FMN1: variants seen among roughly 807,000 people sequenced by gnomAD.
FMN1 encodes formin-1.
FMN1 carries 110 observed loss-of-function variants against 132.4 expected under a neutral mutation model. The ratio of observed to expected loss-of-function variants is 0.83; its 90% CI spans 0.71 to 0.97. The LOEUF is 0.97. FMN1 is among the 50% of genes least tolerant of loss of function. The probability of loss-of-function intolerance (pLI) is 0.00; values close to 1 mark genes in which losing one functional copy is unlikely to be tolerated. For synonymous variants in FMN1, 722 were observed against 651.7 expected, an observed-to-expected ratio of 1.11 and a Z score of -1.64; for missense variants, 1,792 against 1,705.3, an observed-to-expected ratio of 1.05 and a Z score of -0.90.
intron 7 of FMN1, among the ~76,000 whole-genome samples, chr15:32,997,187 A>G (rs1285514561): frequency 6.6e-6 from 1 of 152,200 alleles, no homozygotes; most frequent in Non-Finnish European, 1.5e-5. Flanking sequence ...ATAAAGCTGG[A>G]AAGAGAAATT....
At chr15:33,094,719 T>A (rs1452632359) in intron 4 of FMN1, among the ~76,000 whole-genome samples, 1 of 152,216 alleles carries the variant, frequency 6.6e-6, no homozygotes, top group South Asian at 2.1e-4. Context: ...TAAATATCTC[T>A]TTGATTATTT....
chr15:32,970,505 A>G (rs2031690270), intron 7 of FMN1, among the ~76,000 whole-genome samples: 1 of 152,222 alleles, frequency 6.6e-6, no homozygotes, highest in Non-Finnish European at 1.5e-5. Flanking sequence ...TGGATGGATA[A>G]AAATCACTGG....
chr15:32,981,035 C>G (rs777834548), intron 7 of FMN1, among the ~76,000 whole-genome samples: 21 of 151,872 alleles, frequency 1.4e-4, no homozygotes, highest in Non-Finnish European at 2.8e-4. Context: ...AAATACATTT[C>G]TTATAATTCA....
chr15:33,183,966 C>T (rs1965791406), intron 2 of FMN1, among the ~76,000 whole-genome samples: 2 of 151,360 alleles, frequency 1.3e-5, no homozygotes, highest in African/African-American at 4.8e-5. Context: ...TTTTTTTTGG[C>T]CAGAGAAACT....
intron 17 of FMN1, among the ~76,000 whole-genome samples, chr15:32,822,963 C>T (rs2058258718): frequency 6.6e-6 from 1 of 151,970 alleles, no homozygotes; most frequent in Admixed American, 6.6e-5. Context: ...CTAGTTGAGT[C>T]TCACCATTGG....
At position 32,785,218 on chromosome 15, in the gene FMN1, A is replaced by ATTTTTTTTTTTTTT. The variant is rs1230723314; in HGVS notation, c.4131-8313_4131-8300dup. On this transcript the variant is annotated intron_variant, in intron 19 of 20. Coordinates refer to ENST00000616417, the MANE Select transcript of FMN1 (RefSeq NM_001277313.2). The stretch of plus-strand genomic sequence containing the variant: ...TGTGTGTGTATATATATATATATAT[A>ATTTTTTTTTTTTTT]TTTTTTTTTTTTTTTTTTTGTAGAG... Among the ~76,000 whole-genome samples the ATTTTTTTTTTTTTT allele has an allele frequency of 1.1e-3, 45 of 39,204 alleles. 6 individuals are homozygous for ATTTTTTTTTTTTTT. Among genetic ancestry groups the ATTTTTTTTTTTTTT allele is most frequent in the Middle Eastern group, 0.021 (1 of 48 alleles). The allele number at this position is 39,204 out of a possible 152,430, so 25.7% of individuals were successfully genotyped here.
At chr15:33,084,625 G>C (rs1476237598) in intron 5 of FMN1, among the ~76,000 whole-genome samples, 1 of 151,894 alleles carries the variant, frequency 6.6e-6, no homozygotes, top group African/African-American at 2.4e-5. Flanking sequence ...GAAGGTAAAG[G>C]AGGTTTTGTT....
chr15:32,990,398 G>C (rs1215508389), intron 7 of FMN1, among the ~76,000 whole-genome samples: 2 of 152,178 alleles, frequency 1.3e-5, no homozygotes, highest in South Asian at 4.1e-4. Flanking sequence ...TCCAGGATCA[G>C]AGCAAAGAAA....
chr15:32,919,163 G>GC (rs1359017234), intron 10 of FMN1, among the ~76,000 whole-genome samples: 1 of 151,788 alleles, frequency 6.6e-6, no homozygotes, highest in African/African-American at 2.4e-5. Context: ...GTGATGGGGG[G>GC]GGTATTAAAT....
intron 4 of FMN1, among the ~76,000 whole-genome samples, chr15:33,126,503 A>G: frequency 6.6e-6 from 1 of 152,096 alleles, no homozygotes; most frequent in East Asian, 1.9e-4. Context: ...CTCTACATCT[A>G]CTCCTCTTAT....
intron 7 of FMN1, among the ~76,000 whole-genome samples, chr15:33,000,892 G>C (rs1370815763): frequency 6.6e-6 from 1 of 152,224 alleles, no homozygotes; most frequent in African/African-American, 2.4e-5. Context: ...TCACTGTTCA[G>C]TGGATTCTGT....
chr15:32,944,040 A>G (rs1484094319), intron 9 of FMN1, among the ~76,000 whole-genome samples: 1 of 152,194 alleles, frequency 6.6e-6, no homozygotes, highest in Non-Finnish European at 1.5e-5. Context: ...GATTTCTAAT[A>G]TGGCAGTGAC....
chr15:33,189,850 G>A (rs1206970425), intron 2 of FMN1, among the ~76,000 whole-genome samples: 4 of 152,182 alleles, frequency 2.6e-5, no homozygotes, highest in Non-Finnish European at 5.9e-5. Flanking sequence ...CTTGAGTCTT[G>A]CCCTTGGAAT....
chr15:32,975,620 A>G (rs2032140507), intron 7 of FMN1, among the ~76,000 whole-genome samples: 2 of 152,190 alleles, frequency 1.3e-5, no homozygotes, highest in Non-Finnish European at 2.9e-5. Flanking sequence ...TAGAAAACTC[A>G]TAAAACATCC....
intron 7 of FMN1, among the ~76,000 whole-genome samples, chr15:32,992,871 C>T (rs2033524222): frequency 6.6e-6 from 1 of 152,082 alleles, no homozygotes; most frequent in Non-Finnish European, 1.5e-5. Flanking sequence ...TCAGAGAGAT[C>T]AATGTATATT....
chr15:32,823,168 T>TTTTTG (rs1555464739), intron 17 of FMN1, among the ~76,000 whole-genome samples: 3 of 99,150 alleles, frequency 3.0e-5, no homozygotes, highest in Non-Finnish European at 6.7e-5. Context: ...TTTTTTTTTT[T>TTTTTG]TTTTTTTTTT....
intron 6 of FMN1, among the ~76,000 whole-genome samples, chr15:33,049,631 C>T (rs993733150): frequency 6.6e-6 from 1 of 152,188 alleles, no homozygotes; most frequent in Non-Finnish European, 1.5e-5. Flanking sequence ...TATTTAAGTT[C>T]AGCCTACAGG....
intron 3 of FMN1, among the ~76,000 whole-genome samples, chr15:33,172,974 G>A (rs1040445164): frequency 6.6e-6 from 1 of 152,186 alleles, no homozygotes; most frequent in African/African-American, 2.4e-5. Flanking sequence ...CATGCAGTAA[G>A]CACAAGATTG....
At chr15:33,026,457 G>C (rs1197379623) in intron 6 of FMN1, among the ~76,000 whole-genome samples, 2 of 111,000 alleles carry the variant, frequency 1.8e-5, no homozygotes, top group East Asian at 4.7e-4. Flanking sequence ...TATAAGACTA[G>C]GTTTAGCCTT....
Sources: allele counts gnomAD v4.1 joint callset (sites outside exome capture counted in the v4.1 genomes callset), GRCh38; gene constraint gnomAD v4.1.1; transcripts MANE v1.5; gene names NCBI Gene and HGNC (gene_info 2026-07-23, HGNC 2026-07-21).